AKAP7: variants seen among roughly 807,000 people sequenced by gnomAD.
AKAP7 encodes A-kinase anchoring protein 7.
Under a neutral mutation model 39.5 loss-of-function variants are expected in AKAP7, and 39 were observed. The ratio of observed to expected loss-of-function variants is 0.99; its 90% CI spans 0.76 to 1.29. The LOEUF (loss-of-function observed/expected upper bound fraction) is 1.29, where lower values mean the gene tolerates loss of function less well. Ranked by LOEUF, AKAP7 falls within the 50% of genes most tolerant of loss-of-function variation. The pLI is 0.00. For missense variants in AKAP7, 414 were observed against 407.7 expected (o/e 1.02, Z -0.13); for synonymous variants, 140 against 139.1 (o/e 1.01, Z -0.05).
chr6:131,234,550 A>G (rs1275606100), intron 7 of AKAP7, among the ~76,000 whole-genome samples: 1 of 152,048 alleles, frequency 6.6e-6, no homozygotes, highest in African/African-American at 2.4e-5. Context: ...CTGTGCAGGG[A>G]CGTGTAAGTA....
chr6:131,198,275 T>C (rs1318632322), intron 5 of AKAP7, among the ~76,000 whole-genome samples: 3 of 152,182 alleles, frequency 2.0e-5, no homozygotes, highest in African/African-American at 7.2e-5. Flanking sequence ...AATTCTAACC[T>C]CTATGTCAGT....
intron 2 of AKAP7, among the ~76,000 whole-genome samples, chr6:131,156,031 C>G (rs933557815): frequency 6.6e-6 from 1 of 152,164 alleles, no homozygotes; most frequent in Admixed American, 6.5e-5. Flanking sequence ...GAAATCTAGT[C>G]TTCAGGTCAT....
rs986772398 is a variant in AKAP7 at position 131,145,448 on chromosome 6, G to A, written c.151+32G>A. On this transcript the variant is annotated intron_variant, in intron 2 of 7. Coordinates refer to ENST00000431975, the MANE Select transcript of AKAP7 (RefSeq NM_016377.4). ...ACTTTATTAAGTAAACGCGTATTTA[G>A]AAGCAATGAGTAGTAAATTTAGTTA... 9.7e-6 allele frequency: 13 copies of A among 1,340,260 alleles called. No individual in the cohort carries two copies. The East Asian group carries it at 2.7e-4, about 28-fold the overall frequency. The allele number at this position is 1,340,260 out of a possible 1,614,324, so 83.0% of individuals were successfully genotyped here. A position where few individuals can be genotyped will look rare whatever the true frequency, so the allele number is the denominator to read the frequency against.
intron 7 of AKAP7, among the ~76,000 whole-genome samples, chr6:131,252,750 G>C (rs1325023195): frequency 1.3e-5 from 2 of 152,146 alleles, no homozygotes; most frequent in Non-Finnish European, 2.9e-5. Flanking sequence ...ATAGACATTT[G>C]GGAGGGTCCA....
intron 7 of AKAP7, among the ~76,000 whole-genome samples, chr6:131,247,655 C>G (rs562105124): frequency 6.6e-6 from 1 of 151,566 alleles, no homozygotes. Flanking sequence ...GGGTCTCACT[C>G]GGTCACTCCT....
upstream of AKAP7, among the ~76,000 whole-genome samples, chr6:131,130,828 A>G (rs1382568084): frequency 6.6e-6 from 1 of 152,210 alleles, no homozygotes; most frequent in Non-Finnish European, 1.5e-5. Flanking sequence ...TTTTGGAGGA[A>G]TTTCACAAAG....
chr6:131,153,607 T>A (rs1021332690), intron 2 of AKAP7, among the ~76,000 whole-genome samples: 4 of 152,068 alleles, frequency 2.6e-5, no homozygotes, highest in Admixed American at 1.3e-4. Context: ...GGGAAGACAG[T>A]TTAGTATTAA....
intron 7 of AKAP7, among the ~76,000 whole-genome samples, chr6:131,265,191 G>A (rs1410475543): frequency 1.3e-5 from 2 of 152,180 alleles, no homozygotes; most frequent in South Asian, 4.1e-4. Flanking sequence ...ATGGGGTGCA[G>A]TGGTGCAATT....
intron 5 of AKAP7, chr6:131,184,785 G>C (rs1585037136): frequency 7.3e-7 from 1 of 1,367,488 alleles, no homozygotes. Flanking sequence ...CTTTGTCCTC[G>C]CCCTCCTCAG....
At chr6:131,222,624 A>G (rs564905022) in intron 7 of AKAP7, among the ~76,000 whole-genome samples, 1 of 152,340 alleles carries the variant, frequency 6.6e-6, no homozygotes, top group African/African-American at 2.4e-5. Context: ...ATAAAACTTT[A>G]GTGGATAATG....
intron 5 of AKAP7, among the ~76,000 whole-genome samples, chr6:131,192,430 C>A (rs540027205): frequency 1.3e-5 from 2 of 152,266 alleles, no homozygotes; most frequent in East Asian, 1.9e-4. Flanking sequence ...GTTCTCTATT[C>A]TGCTCCATTG....
chr6:131,144,302 G>C (rs915259640), intron 1 of AKAP7, among the ~76,000 whole-genome samples: 1 of 152,076 alleles, frequency 6.6e-6, no homozygotes, highest in Admixed American at 6.6e-5. Flanking sequence ...GGGTCGTGGC[G>C]GGGCAGAGGG....
intron 1 of AKAP7, chr6:131,136,707 C>A: frequency 4.5e-6 from 1 of 220,552 alleles, no homozygotes; most frequent in Non-Finnish European, 7.6e-6. Flanking sequence ...CATTTTCGGA[C>A]ACTATTAACT....
intron 7 of AKAP7, among the ~76,000 whole-genome samples, chr6:131,268,587 A>G (rs1028231209): frequency 1.3e-5 from 2 of 152,070 alleles, no homozygotes; most frequent in African/African-American, 4.8e-5. Flanking sequence ...AGTGAAGTGT[A>G]TTTGCAACTT....
chr6:131,212,057 A>G (rs1041972242), intron 6 of AKAP7, among the ~76,000 whole-genome samples: 3 of 152,246 alleles, frequency 2.0e-5, no homozygotes, highest in South Asian at 2.1e-4. Flanking sequence ...AAGCTATTGA[A>G]TATTGCACTG....
intron 3 of AKAP7, 100 bp downstream of exon 3, chr6:131,160,298 AT>A: frequency 1.7e-6 from 2 of 1,204,636 alleles, no homozygotes; most frequent in Non-Finnish European, 2.4e-6. Flanking sequence ...TTTTAAGAGT[AT>A]TTGGTGGCAT....
Position 131,219,799 on chromosome 6 carries a change from A to C in AKAP7, c.841A>C (p.Ile281Leu), listed in dbSNP as rs1397053448. 1 of 1,550,918 alleles carries C rather than the reference A, an allele frequency of 6.4e-7. No homozygotes were observed. Among genetic ancestry groups the C allele is most frequent in the Non-Finnish European group, 8.7e-7 (1 of 1,153,344 alleles). ...SNGYYHCESS[I>L]VIGEKNGGEP... The stretch of plus-strand genomic sequence containing the variant: ...TGGTTATTATCACTGTGAATCTTCC[A>C]TTGTGATTGGTGAGTGTCATTTAAA... The change falls in exon 7 of 8, where the codon ATT becomes CTT. Residue 281 changes from isoleucine (I) to leucine (L), a missense_variant. Ile to Leu is a conservative substitution (Grantham distance 5). Transcript: ENST00000431975.
intron 2 of AKAP7, among the ~76,000 whole-genome samples, chr6:131,155,208 C>T (rs1802316226): frequency 6.6e-6 from 1 of 152,060 alleles, no homozygotes; most frequent in Non-Finnish European, 1.5e-5. Context: ...GAGATGGGGT[C>T]TTGCTGTGTT....
chr6:131,251,726 A>G (rs1812462696), intron 7 of AKAP7, among the ~76,000 whole-genome samples: 1 of 152,234 alleles, frequency 6.6e-6, no homozygotes, highest in Admixed American at 6.5e-5. Flanking sequence ...GCTGCGCTCT[A>G]AATTTTACTT....
Sources: allele counts gnomAD v4.1 joint callset (sites outside exome capture counted in the v4.1 genomes callset), GRCh38; gene constraint gnomAD v4.1.1; transcripts MANE v1.5; gene names NCBI Gene and HGNC (gene_info 2026-07-23, HGNC 2026-07-21).